Variants in XRN2 observed in about 807,000 individuals in gnomAD.
XRN2 encodes the protein DHM1-like protein.
A neutral mutation model predicts 138.5 loss-of-function variants in XRN2; 44 were observed. The observed-to-expected ratio is 0.32, with a 90% confidence interval of 0.25 to 0.41. XRN2 has a LOEUF of 0.41. Ranked by LOEUF, XRN2 falls within the 10% of genes least tolerant of loss-of-function variation. The pLI, the probability that XRN2 is intolerant of heterozygous loss-of-function variation, is 1.00. For synonymous variants in XRN2, 354 were observed against 369.4 expected (o/e 0.96, Z 0.48); for missense variants, 937 against 1,169.3 (o/e 0.80, Z 2.90).
chr20:21,337,899 G>C (rs1390206974), intron 13 of XRN2, among the ~76,000 whole-genome samples: 1 of 152,148 alleles, frequency 6.6e-6, no homozygotes, highest in East Asian at 1.9e-4. Flanking sequence ...ACTGAAATCT[G>C]ACTAATGGAT....
chr20:21,356,902 CT>C (rs1034443044), intron 23 of XRN2, among the ~76,000 whole-genome samples: 1 of 152,134 alleles, frequency 6.6e-6, no homozygotes, highest in Non-Finnish European at 1.5e-5. Context: ...GGTTAAAACT[CT>C]TTTCATAATG....
chr20:21,349,042 A>G (rs1249367654), intron 19 of XRN2, among the ~76,000 whole-genome samples: 2 of 152,172 alleles, frequency 1.3e-5, no homozygotes, highest in Admixed American at 6.5e-5. Flanking sequence ...GCCTTACCCA[A>G]AATCACCTGT....
chr20:21,360,682 T>C (rs2038627588), intron 24 of XRN2, among the ~76,000 whole-genome samples: 1 of 151,810 alleles, frequency 6.6e-6, no homozygotes, highest in Admixed American at 6.6e-5. Context: ...AATGTGAATG[T>C]GTATGGAGAT....
chr20:21,358,322 A>G (rs1262396863), intron 24 of XRN2, among the ~76,000 whole-genome samples: 2 of 152,332 alleles, frequency 1.3e-5, no homozygotes, highest in East Asian at 1.9e-4. Context: ...ACTAATTTAT[A>G]TCTCAGTTCT....
chr20:21,367,444 A>G (rs1185650727), intron 26 of XRN2, among the ~76,000 whole-genome samples: 4 of 152,172 alleles, frequency 2.6e-5, no homozygotes, highest in African/African-American at 9.6e-5. Flanking sequence ...TTATACAGCA[A>G]ATATTAAGAG....
chr20:21,380,766 G>A (rs1021918273), intron 27 of XRN2, among the ~76,000 whole-genome samples: 1 of 152,238 alleles, frequency 6.6e-6, no homozygotes, highest in Non-Finnish European at 1.5e-5. Context: ...GCACCCATGG[G>A]TATGGCTGCA....
chr20:21,315,988 C>G (rs1482133529), intron 1 of XRN2, among the ~76,000 whole-genome samples: 1 of 152,186 alleles, frequency 6.6e-6, no homozygotes, highest in East Asian at 1.9e-4. Flanking sequence ...TGTGGTGACT[C>G]ACGCTTGTAA....
At chr20:21,317,818 G>T (rs891335326) in intron 1 of XRN2, among the ~76,000 whole-genome samples, 3 of 152,156 alleles carry the variant, frequency 2.0e-5, no homozygotes, top group Non-Finnish European at 4.4e-5. Context: ...CTATTCCACA[G>T]ATGTAGAATT....
intron 1 of XRN2, among the ~76,000 whole-genome samples, chr20:21,318,798 AT>A (rs1269509920): frequency 9.2e-5 from 14 of 151,486 alleles, no homozygotes; most frequent in Non-Finnish European, 1.6e-4. Context: ...ATTTTATTTC[AT>A]TGTGGTCAGA....
At chr20:21,381,858 GTTA>G (rs925335400) in intron 27 of XRN2, 133 bp from the exon 28 acceptor site, 1 of 634,780 alleles carries the variant, frequency 1.6e-6, no homozygotes, top group African/African-American at 1.9e-5. Context: ...TGTGGTGTGT[GTTA>G]TTATGATACT....
intron 27 of XRN2, among the ~76,000 whole-genome samples, chr20:21,380,400 T>G (rs148329800): frequency 6.6e-6 from 1 of 152,332 alleles, no homozygotes; most frequent in East Asian, 1.9e-4. Context: ...GTATCTTAAG[T>G]TTTCCCATAG....
Position 21,368,583 on chromosome 20 carries a change from T to G in XRN2, c.2577T>G (p.Leu859=). 6.2e-7 allele frequency: 1 copy of G among 1,613,032 alleles called. No homozygotes were observed. Among genetic ancestry groups the G allele is most frequent in the Non-Finnish European group, 8.5e-7 (1 of 1,179,616 alleles). ...LLRGQAQIPK[L]MSNMRPQDSW... is the part of the protein sequence containing the mutation. ...GAGGACAAGCCCAGATTCCAAAACT[T>G]ATGTCAAGTAAGCTTTTACAAATCG... Residue 859 remains leucine (L), a synonymous_variant, in exon 27 of 30, where the codon CTT becomes CTG. Coordinates refer to ENST00000377191, the MANE Select transcript of XRN2 (RefSeq NM_012255.5).
chr20:21,383,088 A>T (rs747074387), intron 28 of XRN2, among the ~76,000 whole-genome samples: 2 of 152,212 alleles, frequency 1.3e-5, no homozygotes, highest in Non-Finnish European at 2.9e-5. Context: ...ACTTTATTTC[A>T]TTGTTATCTT....
intron 27 of XRN2, among the ~76,000 whole-genome samples, chr20:21,370,174 G>C (rs894645795): frequency 6.6e-6 from 1 of 152,080 alleles, no homozygotes; most frequent in African/African-American, 2.4e-5. Context: ...GTAGATGTAT[G>C]GATTTATTTC....
intron 28 of XRN2, among the ~76,000 whole-genome samples, chr20:21,382,720 A>G (rs571806656): frequency 6.6e-6 from 1 of 152,358 alleles, no homozygotes; most frequent in South Asian, 2.1e-4. Context: ...GATGTTTAAC[A>G]TGTATTCCTT....
chr20:21,303,439 A>G lies in XRN2; in HGVS notation c.41A>G (p.Tyr14Cys), dbSNP rs1341453723. ...PAFFRWLSRKYPSIIVNCVEE... is the reference protein window; with the variant it reads ...PAFFRWLSRKCPSIIVNCVEE... ...TTCTTCCGCTGGCTCAGCCGCAAGT[A>G]CCCGTCCATCATAGTCAACTGCGTG... is the stretch of plus-strand genomic sequence containing the variant. The change falls in exon 1 of 30, where the codon TAC (tyrosine) becomes TGC (cysteine). Residue 14 changes from tyrosine (Y) to cysteine (C), a missense_variant. This residue lies in a region of XRN2 where 32 missense variants were observed against 32.9 expected (regional missense o/e 0.97). Transcript: ENST00000377191. 20 of 1,548,076 alleles carry G rather than the reference A, an allele frequency of 1.3e-5. No individual in the cohort carries two copies. Among genetic ancestry groups the G allele is most frequent in the Non-Finnish European group, 1.7e-5 (20 of 1,145,994 alleles).
At chr20:21,359,905 A>G (rs1321648623) in intron 24 of XRN2, among the ~76,000 whole-genome samples, 2 of 151,962 alleles carry the variant, frequency 1.3e-5, no homozygotes, top group Non-Finnish European at 2.9e-5. Flanking sequence ...CCTTATTTAA[A>G]TACATCTAGT....
In XRN2 at chr20:21,332,278, G is replaced by A. The variant is rs946263408; in HGVS notation, c.701-5G>A. On this transcript the variant is annotated splice_region_variant and splice_polypyrimidine_tract_variant and intron_variant, in intron 8 of 29. Coordinates refer to ENST00000377191, the MANE Select transcript of XRN2 (RefSeq NM_012255.5). ...TTCGATGTTTTTCTCATTGTTGATT[G>A]ATAGCTGATCTCATTATGCTTGGCC... The A allele has an allele frequency of 8.7e-6, 14 of 1,606,978 alleles. No homozygotes were observed. The highest frequency in any genetic ancestry group is 1.3e-5 in the African/African-American group (1 of 74,424).
intron 27 of XRN2, among the ~76,000 whole-genome samples, chr20:21,377,791 T>C (rs1453607744): frequency 6.6e-6 from 1 of 152,160 alleles, no homozygotes. Context: ...GACGGGATTG[T>C]AGAGTGAATC....
Sources: gnomAD v4.1 joint callset for allele counts (sites outside exome capture counted in the v4.1 genomes callset) on GRCh38, gnomAD v4.1.1 for gene constraint, gnomAD v4.1.1 regional missense constraint, MANE v1.5 for transcripts, NCBI Gene and HGNC (gene_info 2026-07-23, HGNC 2026-07-21) for gene names.